Variants in CDC42SE1 observed in about 807,000 individuals in gnomAD.
CDC42SE1 encodes the protein CDC42 small effector protein 1.
A neutral mutation model predicts 10.9 loss-of-function variants in CDC42SE1; 10 were observed. That is an observed-to-expected ratio of 0.92 (90% confidence interval 0.57 to 1.56). The LOEUF (loss-of-function observed/expected upper bound fraction) is 1.56, where lower values mean the gene tolerates loss of function less well. CDC42SE1 is among the 40% of genes most tolerant of loss of function. CDC42SE1 has a pLI of 0.00. For missense variants in CDC42SE1, 81 were observed against 100.8 expected (o/e 0.80, Z 0.84); for synonymous variants, 24 against 32.0 (o/e 0.75, Z 0.85).
Position 151,055,035 on chromosome 1 carries a change from G to A in CDC42SE1, c.146C>T (p.Ala49Val). The change falls in exon 3 of 5, where the codon GCC (alanine) becomes GTC (valine). Residue 49 changes from alanine (A) to valine (V), a missense_variant. Physicochemically the swap from Ala to Val is moderately conservative, Grantham distance 64. Coordinates refer to ENST00000357235, the MANE Select transcript of CDC42SE1 (RefSeq NM_020239.4). ...TGTTACCATGGCAAGTCCATCTCCG[G>A]CCCCCATCTCCCCTGAGCCAATGTG... ...LTHIGSGEMGAGDGLAMTGAV... is the reference protein window; with the variant it reads ...LTHIGSGEMGVGDGLAMTGAV... The A allele has an allele frequency of 4.3e-6, 7 of 1,613,216 alleles. No individual in the cohort carries two copies. The highest frequency in any genetic ancestry group is 5.9e-6 in the Non-Finnish European group (7 of 1,179,504).
rs1029391619 is a variant in CDC42SE1, at chr1:151,055,001, C to T, written c.165+15G>A. ...ACCTCACCCCTGTATCAACCTCTCC[C>T]CATTTCCTTGTTACCATGGCAAGTC... On this transcript the variant is annotated intron_variant, in intron 3 of 4. Transcript: ENST00000357235. 1 of 1,581,538 alleles carries T rather than the reference C, an allele frequency of 6.3e-7. No homozygotes were observed. The highest frequency in any genetic ancestry group is 8.7e-7 in the Non-Finnish European group (1 of 1,150,322).
chr1:151,056,245 C>T (rs1242061419), intron 1 of CDC42SE1, among the ~76,000 whole-genome samples: 1 of 152,108 alleles, frequency 6.6e-6, no homozygotes, highest in Non-Finnish European at 1.5e-5. Context: ...GCTAGAAGCA[C>T]TTAGAGTTAA....
chr1:151,057,634 G>A lies in CDC42SE1; in HGVS notation c.-263-1641C>T, dbSNP rs1227604450. On this transcript the variant is annotated intron_variant, in intron 1 of 4. Coordinates refer to ENST00000357235, the MANE Select transcript of CDC42SE1 (RefSeq NM_020239.4). The surrounding 1 kb of genome is among the most constrained non-coding windows in gnomAD (Gnocchi z 4.0). ...AGCCCAAGAGTTGCGGCTACAGTGAGCCATGTTTGCACCCCTGCACTCCAG... is the reference window on the plus strand; with the variant it reads ...AGCCCAAGAGTTGCGGCTACAGTGAACCATGTTTGCACCCCTGCACTCCAG... 1 of 152,454 alleles carries A rather than the reference G, an allele frequency of 6.6e-6. No homozygotes were observed. Among genetic ancestry groups the A allele is most frequent in the Non-Finnish European group, 1.5e-5 (1 of 68,388 alleles). 9.4% of individuals were successfully genotyped at this position (152,454 alleles called of 1,614,324 possible).
At chr1:151,054,917 C>A (rs1264605577) in intron 3 of CDC42SE1, 99 bp downstream of exon 3, 13 of 875,846 alleles carry the variant, frequency 1.5e-5, no homozygotes, top group Middle Eastern at 2.3e-4. Context: ...TTTTACTTCC[C>A]CATTGAGTAT....
chr1:151,053,564 C>T (rs2102974758), intron 4 of CDC42SE1, among the ~76,000 whole-genome samples: 1 of 152,242 alleles, frequency 6.6e-6, no homozygotes, highest in South Asian at 2.1e-4. Context: ...TCACTGCAAC[C>T]TCCACCTCCC....
At chr1:151,055,495 C>A (rs1676261832) in intron 2 of CDC42SE1, 182 bp downstream of exon 2, 3 of 644,502 alleles carry the variant, frequency 4.7e-6, no homozygotes, top group Admixed American at 4.8e-5. Context: ...GGACTATTCA[C>A]TTCTTCCATC....
rs1676296593 is a variant in CDC42SE1 at position 151,057,289 on chromosome 1, A to C, written c.-263-1296T>G. Among the ~76,000 whole-genome samples, 1 of 152,232 alleles carries C rather than the reference A, an allele frequency of 6.6e-6. No homozygotes were observed. The highest frequency in any genetic ancestry group is 2.1e-4 in the South Asian group (1 of 4,836). On this transcript the variant is annotated intron_variant, in intron 1 of 4. Coordinates refer to ENST00000357235, the MANE Select transcript of CDC42SE1 (RefSeq NM_020239.4). This position sits in a 1 kb window ranked among gnomAD's most constrained non-coding sequence, Gnocchi z 4.0. ...GTAATCCCAGCACTTTGGGAGGCCAAGGTGGGCGGATCACCTGAGGTCAGG... is the reference window on the plus strand; with the variant it reads ...GTAATCCCAGCACTTTGGGAGGCCACGGTGGGCGGATCACCTGAGGTCAGG...
rs1378616722 is a variant in CDC42SE1, at chr1:151,055,907, A to T, written c.-177T>A. The T allele has an allele frequency of 9.5e-6, 6 of 632,610 alleles. No homozygotes were observed. Among genetic ancestry groups the T allele is most frequent in the African/African-American group, 3.6e-5 (2 of 55,206 alleles). 39.2% of individuals were successfully genotyped at this position (632,610 alleles called of 1,614,324 possible). On this transcript the variant is annotated 5_prime_UTR_variant, in exon 2 of 5. Transcript: ENST00000357235. The stretch of plus-strand genomic sequence containing the variant: ...AACCTTTAACTGAGCAGTGAAGGTC[A>T]GTGTCTCAGAGCCTGAGAGATGAAC...
rs747574571 is a variant in CDC42SE1, at chr1:151,054,335, G to C, written c.166-14C>G. The C allele has an allele frequency of 1.9e-6, 3 of 1,604,612 alleles. No individual in the cohort carries two copies. In the South Asian group the frequency reaches 3.3e-5, roughly 18 times the overall value. Reference sequence around the variant, plus strand: ...AACTGCACCTGTCTGTAAAAAAACAGATGCGAGACACCTTCGTAAGTCTTC... The same window carrying C: ...AACTGCACCTGTCTGTAAAAAAACACATGCGAGACACCTTCGTAAGTCTTC... On this transcript the variant is annotated splice_polypyrimidine_tract_variant and intron_variant, in intron 3 of 4. Transcript: ENST00000357235.
chr1:151,053,825 C>T (rs587659562), intron 4 of CDC42SE1, among the ~76,000 whole-genome samples: 1 of 150,436 alleles, frequency 6.6e-6, no homozygotes, highest in African/African-American at 2.4e-5. Flanking sequence ...TCCTCCCTAT[C>T]TCCCATTCTT....
In CDC42SE1 at chr1:151,052,060, G is replaced by C. The variant is rs1026937510; in HGVS notation, c.*1284C>G. Reference sequence around the variant, plus strand: ...GGCTCGGGCTTAAGATGAGTAAGATGATGAGGGTAGCGTGCCAAGCAGAAA... The same window carrying C: ...GGCTCGGGCTTAAGATGAGTAAGATCATGAGGGTAGCGTGCCAAGCAGAAA... On this transcript the variant is annotated 3_prime_UTR_variant, in exon 5 of 5. Transcript: ENST00000357235. 1 of 152,180 alleles carries C rather than the reference G, an allele frequency of 6.6e-6. No individual in the cohort carries two copies. Among genetic ancestry groups the C allele is most frequent in the Non-Finnish European group, 1.5e-5 (1 of 68,042 alleles). The allele number at this position is 152,180 out of a possible 1,614,324, so 9.4% of individuals were successfully genotyped here. A position where few individuals can be genotyped will look rare whatever the true frequency, so the allele number is the denominator to read the frequency against.
intron 1 of CDC42SE1, chr1:151,056,798 T>C (rs71624521): frequency 3.9e-5 from 6 of 152,302 alleles, no homozygotes. Context: ...TGTGTACAGG[T>C]TGTGGGTACA....
rs1289660623 is a variant in CDC42SE1 at position 151,057,623 on chromosome 1, G to C, written c.-263-1630C>G. ...AGGATCACTTGAGCCCAAGAGTTGCGGCTACAGTGAGCCATGTTTGCACCC... is the reference window on the plus strand; with the variant it reads ...AGGATCACTTGAGCCCAAGAGTTGCCGCTACAGTGAGCCATGTTTGCACCC... On this transcript the variant is annotated intron_variant, in intron 1 of 4. Transcript: ENST00000357235. This position sits in a 1 kb window ranked among gnomAD's most constrained non-coding sequence, Gnocchi z 4.0. The C allele has an allele frequency of 6.6e-6, 1 of 152,270 alleles. No homozygotes were observed. Among genetic ancestry groups the C allele is most frequent in the Admixed American group, 6.6e-5 (1 of 15,234 alleles). The allele number at this position is 152,270 out of a possible 1,614,324, so 9.4% of individuals were successfully genotyped here.
chr1:151,053,521 G>A (rs951160019), intron 4 of CDC42SE1, among the ~76,000 whole-genome samples, 194 bp from the exon 5 acceptor site: 1 of 150,750 alleles, frequency 6.6e-6, no homozygotes, highest in African/African-American at 2.4e-5. Flanking sequence ...TCACTCTGTT[G>A]CCCAGGCTGG....
chr1:151,054,777 GATATATATACC>G (rs1676247969), intron 3 of CDC42SE1, among the ~76,000 whole-genome samples: 3 of 152,044 alleles, frequency 2.0e-5, no homozygotes, highest in Admixed American at 2.0e-4. Context: ...CAACTATTAA[GATATATATACC>G]CCCTACCCCA....
intron 4 of CDC42SE1, among the ~76,000 whole-genome samples, chr1:151,053,821 C>G (rs1676229368): frequency 6.7e-6 from 1 of 150,274 alleles, no homozygotes; most frequent in Non-Finnish European, 1.5e-5. Context: ...TAATTCCTCC[C>G]TATCTCCCAT....
intron 2 of CDC42SE1, 169 bp from the exon 3 acceptor site, chr1:151,055,295 CA>C (rs1199465759): frequency 1.6e-6 from 1 of 608,172 alleles, no homozygotes; most frequent in African/African-American, 1.8e-5. Flanking sequence ...GCTGGAACAA[CA>C]AAAGCACACA....
chr1:151,054,436 T>C (rs587712190), intron 3 of CDC42SE1, 115 bp from the exon 4 acceptor site: 2 of 807,170 alleles, frequency 2.5e-6, no homozygotes, highest in South Asian at 1.4e-5. Context: ...ATAGCAGCCA[T>C]CTGCTAACCA....
At position 151,052,346 on chromosome 1, in the gene CDC42SE1, G is replaced by C. The variant is rs1676198793; in HGVS notation, c.*998C>G. 1 of 152,560 alleles carries C rather than the reference G, an allele frequency of 6.6e-6. No homozygotes were observed. The highest frequency in any genetic ancestry group is 2.1e-4 in the South Asian group (1 of 4,824). The allele number at this position is 152,560 out of a possible 1,614,324, so 9.5% of individuals were successfully genotyped here. On this transcript the variant is annotated 3_prime_UTR_variant, in exon 5 of 5. Transcript: ENST00000357235. Reference sequence around the variant, plus strand: ...GCCTCTCCCTGCTCCCGTGCTGTGAGGATCTTAAGACTCCTAAACTCACAG... The same window carrying C: ...GCCTCTCCCTGCTCCCGTGCTGTGACGATCTTAAGACTCCTAAACTCACAG...
Sources: gnomAD v4.1 joint callset for allele counts (sites outside exome capture counted in the v4.1 genomes callset) on GRCh38, gnomAD v4.1.1 for gene constraint, Gnocchi (gnomAD v3.1) non-coding constraint, MANE v1.5 for transcripts, NCBI Gene and HGNC (gene_info 2026-07-23, HGNC 2026-07-21) for gene names.